Variants in C8orf34 observed in about 807,000 individuals in gnomAD.
C8orf34 encodes uncharacterized protein C8orf34.
C8orf34 carries 65 observed loss-of-function variants against 68.3 expected under a neutral mutation model. The observed-to-expected ratio is 0.95, with a 90% CI of 0.78 to 1.17. The LOEUF is 1.17. Among genes scored for constraint, C8orf34 ranks in the 50% most tolerant of loss-of-function variants. The pLI is 0.00. For missense variants in C8orf34, 664 were observed against 655.4 expected (o/e 1.01, Z -0.14); for synonymous variants, 244 against 241.2 (o/e 1.01, Z -0.11).
intron 10 of C8orf34, among the ~76,000 whole-genome samples, chr8:68,730,728 G>A (rs1821956649): frequency 6.6e-6 from 1 of 151,840 alleles, no homozygotes; most frequent in Non-Finnish European, 1.5e-5. Context: ...TTATTTTGTG[G>A]TATCAGTTAA....
At chr8:68,813,101 G>A (rs556994336) in intron 12 of C8orf34, among the ~76,000 whole-genome samples, 6 of 152,218 alleles carry the variant, frequency 3.9e-5, no homozygotes, top group African/African-American at 7.2e-5. Flanking sequence ...AGCATATGGC[G>A]TTATCCTCAA....
chr8:68,702,891 G>A (rs1268748473), intron 8 of C8orf34, among the ~76,000 whole-genome samples: 1 of 152,088 alleles, frequency 6.6e-6, no homozygotes, highest in African/African-American at 2.4e-5. Flanking sequence ...TGTTGTGAGT[G>A]TATCTTTACT....
intron 7 of C8orf34, among the ~76,000 whole-genome samples, chr8:68,612,430 C>A (rs1286784547): frequency 6.6e-6 from 1 of 152,156 alleles, no homozygotes; most frequent in Non-Finnish European, 1.5e-5. Context: ...CTCTGAACCA[C>A]TAGACCATAT....
Position 68,521,704 on chromosome 8 carries a change from A to G in C8orf34, c.766-95A>G, listed in dbSNP as rs949200782. ...GTATCAATTCAGAAAGACAAAAAGC[A>G]TTTGACAGTCAAATATCTAGGCAAC... On this transcript the variant is annotated intron_variant, in intron 5 of 13. Transcript: ENST00000518698. The G allele has an allele frequency of 3.6e-5, 39 of 1,091,970 alleles. No individual in the cohort carries two copies. The Admixed American group carries it at 6.8e-4, about 19-fold the overall frequency. 67.6% of individuals were successfully genotyped at this position (1,091,970 alleles called of 1,614,324 possible).
chr8:68,393,299 C>G (rs986804458), intron 1 of C8orf34, among the ~76,000 whole-genome samples: 1 of 151,994 alleles, frequency 6.6e-6, no homozygotes, highest in African/African-American at 2.4e-5. Context: ...TGTAGAGAAT[C>G]GACACACTCT....
chr8:68,420,904 A>C (rs533616048), intron 1 of C8orf34, among the ~76,000 whole-genome samples: 1 of 152,182 alleles, frequency 6.6e-6, no homozygotes. Flanking sequence ...AAATAGAAGC[A>C]GAGTTGATGC....
intron 3 of C8orf34, among the ~76,000 whole-genome samples, chr8:68,456,212 C>T (rs556207467): frequency 6.6e-5 from 10 of 151,342 alleles, no homozygotes; most frequent in Non-Finnish European, 1.3e-4. Flanking sequence ...GCTGAGACCG[C>T]ACCACTGCAC....
At chr8:68,366,346 T>C (rs1250337322) in intron 1 of C8orf34, among the ~76,000 whole-genome samples, 19 of 136,898 alleles carry the variant, frequency 1.4e-4, no homozygotes, top group African/African-American at 3.0e-4. Flanking sequence ...AGATTCAATG[T>C]CATCCCCATC....
At chr8:68,458,935 A>G (rs752907401) in intron 3 of C8orf34, among the ~76,000 whole-genome samples, 1 of 152,160 alleles carries the variant, frequency 6.6e-6, no homozygotes, top group Admixed American at 6.5e-5. Flanking sequence ...TATTTTGACA[A>G]TGTAAAATAT....
chr8:68,401,129 T>G (rs1808935615), intron 1 of C8orf34, among the ~76,000 whole-genome samples: 2 of 149,862 alleles, frequency 1.3e-5, no homozygotes, highest in Admixed American at 1.3e-4. Flanking sequence ...TTTTTTTTTT[T>G]TGTAGCTATT....
chr8:68,775,435 C>T (rs778701088), intron 10 of C8orf34, among the ~76,000 whole-genome samples: 1 of 152,028 alleles, frequency 6.6e-6, no homozygotes, highest in Admixed American at 6.6e-5. Context: ...ATTTTGACCA[C>T]CAATGTTTAG....
intron 7 of C8orf34, among the ~76,000 whole-genome samples, chr8:68,637,265 T>A (rs950308502): frequency 6.6e-5 from 10 of 152,154 alleles, no homozygotes; most frequent in African/African-American, 2.4e-4. Context: ...GTCTTCTGTT[T>A]GCATGGTTCC....
At chr8:68,533,623 G>T in intron 7 of C8orf34, 1 of 984,878 alleles carries the variant, frequency 1.0e-6, no homozygotes, top group Non-Finnish European at 1.2e-6. Context: ...TATGTTTTCC[G>T]TAAATGACGG....
intron 1 of C8orf34, among the ~76,000 whole-genome samples, chr8:68,383,242 A>C (rs931994372): frequency 6.6e-6 from 1 of 152,168 alleles, no homozygotes; most frequent in Non-Finnish European, 1.5e-5. Context: ...GAAAATTCTG[A>C]ATTTACTTCA....
intron 1 of C8orf34, among the ~76,000 whole-genome samples, chr8:68,380,810 A>T (rs1420522690): frequency 1.3e-5 from 2 of 152,250 alleles, no homozygotes; most frequent in Non-Finnish European, 2.9e-5. Context: ...TATATATATT[A>T]CATTCAACTC....
At chr8:68,332,209 C>T (rs1805642964) in intron 1 of C8orf34, among the ~76,000 whole-genome samples, 1 of 151,732 alleles carries the variant, frequency 6.6e-6, no homozygotes, top group Admixed American at 6.6e-5. Context: ...CAAAGCGTCC[C>T]GCGGGTTGCC....
At chr8:68,685,053 T>G (rs1018814583) in intron 8 of C8orf34, among the ~76,000 whole-genome samples, 10 of 152,140 alleles carry the variant, frequency 6.6e-5, no homozygotes, top group African/African-American at 2.4e-4. Context: ...ATAAAAAATT[T>G]GTACCAGATG....
intron 2 of C8orf34, among the ~76,000 whole-genome samples, chr8:68,441,214 G>A (rs1179837236): frequency 1.3e-5 from 2 of 152,150 alleles, no homozygotes; most frequent in Non-Finnish European, 2.9e-5. Context: ...ACAAATCAAG[G>A]TGTTGGCTGG....
intron 10 of C8orf34, among the ~76,000 whole-genome samples, chr8:68,744,245 A>G (rs1290191967): frequency 6.6e-6 from 1 of 150,908 alleles, no homozygotes; most frequent in Middle Eastern, 3.2e-3. Context: ...CATCACCATC[A>G]TCAAAGACCA....
Sources: allele counts gnomAD v4.1 joint callset (sites outside exome capture counted in the v4.1 genomes callset), GRCh38; gene constraint gnomAD v4.1.1; transcripts MANE v1.5; gene names NCBI Gene and HGNC (gene_info 2026-07-23, HGNC 2026-07-21).